MDFIC: variants seen among roughly 807,000 people sequenced by gnomAD.
MDFIC encodes the protein myoD family inhibitor domain-containing protein.
A neutral mutation model predicts 23.2 loss-of-function variants in MDFIC; 17 were observed. The ratio of observed to expected loss-of-function variants is 0.73; its 90% CI spans 0.50 to 1.10. MDFIC has a LOEUF of 1.10. Ranked by LOEUF, MDFIC falls within the 50% of genes least tolerant of loss-of-function variation. MDFIC has a pLI of 0.00. For missense variants in MDFIC, 356 were observed against 316.6 expected, an observed-to-expected ratio of 1.12 and a Z score of -0.95; for synonymous variants, 120 against 115.2, an observed-to-expected ratio of 1.04 and a Z score of -0.27.
At chr7:114,954,436 C>T (rs1254786525) in intron 3 of MDFIC, among the ~76,000 whole-genome samples, 2 of 152,216 alleles carry the variant, frequency 1.3e-5, no homozygotes, top group East Asian at 1.9e-4. Flanking sequence ...GACCACACAT[C>T]GGTCGGTCTT....
chr7:115,009,545 A>C (rs1304319617), intron 4 of MDFIC, among the ~76,000 whole-genome samples: 1 of 152,226 alleles, frequency 6.6e-6, no homozygotes, highest in African/African-American at 2.4e-5. Flanking sequence ...ATTTCATTAT[A>C]AACTTGTTTT....
At chr7:115,007,630 G>GTATATATATATA (rs10528546) in intron 4 of MDFIC, among the ~76,000 whole-genome samples, 283 of 132,854 alleles carry the variant, frequency 2.1e-3, no homozygotes, top group Middle Eastern at 0.011. Flanking sequence ...GCGTGTGTGT[G>GTATATATATATA]TATATATATA....
intron 4 of MDFIC, among the ~76,000 whole-genome samples, chr7:114,988,199 G>T (rs1319404094): frequency 1.3e-5 from 2 of 152,158 alleles, no homozygotes. Context: ...CATTCACTCA[G>T]GAGATGGGTG....
rs1174466153 is a variant in MDFIC at position 114,956,721 on chromosome 7, T to C, written c.217+14324T>C. Among the ~76,000 whole-genome samples the C allele has an allele frequency of 3.3e-5, 5 of 152,136 alleles. No homozygotes were observed. The East Asian group carries it at 9.6e-4, about 29-fold the overall frequency. ...CCCAGACCAATGAATTTAGAATCAT[T>C]AGGGGTAGGGCTTGGGCATTTGTGA... On this transcript the variant is annotated intron_variant, in intron 3 of 4. Transcript: ENST00000393486.
At chr7:114,957,453 A>G (rs7802986) in intron 3 of MDFIC, among the ~76,000 whole-genome samples, 71,508 of 151,954 alleles carry the variant, frequency 0.47, 17,238 homozygotes, top group Non-Finnish European at 0.53. Context: ...TGTTCTTGGC[A>G]TAAAGCAAAG....
chr7:114,927,419 ACT>A (rs2115683293), intron 2 of MDFIC, among the ~76,000 whole-genome samples: 1 of 151,548 alleles, frequency 6.6e-6, no homozygotes, highest in Admixed American at 6.6e-5. Context: ...CTCCATGTAA[ACT>A]CTCTAATAAT....
In MDFIC at chr7:114,922,507, G is replaced by A. The variant is rs1245559402; in HGVS notation, c.-237G>A. ...GAGGGAGGCGGGAGGACGCGCAGGG[G>A]CGGCCGCCGCCGTCGTCAGGCCACC... On this transcript the variant is annotated 5_prime_UTR_variant, in exon 1 of 5. Transcript: ENST00000393486. 3.2e-6 allele frequency: 4 copies of A among 1,256,816 alleles called. No individual in the cohort carries two copies. The highest frequency in any genetic ancestry group is 8.4e-5 in the Admixed American group (2 of 23,908). The allele number at this position is 1,256,816 out of a possible 1,614,324, so 77.9% of individuals were successfully genotyped here.
intron 3 of MDFIC, among the ~76,000 whole-genome samples, chr7:114,958,300 T>C (rs1563142260): frequency 6.6e-6 from 1 of 152,250 alleles, no homozygotes; most frequent in Non-Finnish European, 1.5e-5. Context: ...ACAGTCCATG[T>C]AGTATAAGAC....
chr7:114,992,272 A>G (rs182634554), intron 4 of MDFIC, among the ~76,000 whole-genome samples: 6 of 152,342 alleles, frequency 3.9e-5, no homozygotes, highest in African/African-American at 1.4e-4. Context: ...GGTTTTCTAA[A>G]TATACAATTA....
At chr7:114,977,927 T>A (rs1400238507) in intron 3 of MDFIC, among the ~76,000 whole-genome samples, 1 of 147,938 alleles carries the variant, frequency 6.8e-6, no homozygotes, top group Non-Finnish European at 1.5e-5. Flanking sequence ...CACATAAATA[T>A]TATATATGTA....
At chr7:114,963,812 T>C (rs1052286838) in intron 3 of MDFIC, among the ~76,000 whole-genome samples, 4 of 152,186 alleles carry the variant, frequency 2.6e-5, no homozygotes, top group Non-Finnish European at 4.4e-5. Flanking sequence ...ATTCATGGCC[T>C]CAACTGATCC....
At chr7:114,936,566 A>G (rs1792428270) in intron 2 of MDFIC, among the ~76,000 whole-genome samples, 1 of 152,208 alleles carries the variant, frequency 6.6e-6, no homozygotes, top group Admixed American at 6.5e-5. Flanking sequence ...TTAAAAAAAA[A>G]AGAATAACTT....
intron 4 of MDFIC, among the ~76,000 whole-genome samples, chr7:115,004,174 TA>T (rs1477224314): frequency 2.6e-5 from 4 of 152,232 alleles, no homozygotes; most frequent in Non-Finnish European, 4.4e-5. Flanking sequence ...AGCCACTATA[TA>T]AAGATTTTGA....
chr7:114,966,952 T>C (rs1793108683), intron 3 of MDFIC, among the ~76,000 whole-genome samples: 1 of 152,194 alleles, frequency 6.6e-6, no homozygotes. Flanking sequence ...TATTCAGTCA[T>C]TCAAAAAGGC....
intron 3 of MDFIC, among the ~76,000 whole-genome samples, chr7:114,950,259 C>T (rs1412254967): frequency 1.3e-5 from 2 of 151,986 alleles, no homozygotes; most frequent in African/African-American, 2.4e-5. Context: ...GGTAGGATTA[C>T]AAGGAGGAGA....
rs1376061396 is a variant in MDFIC at position 115,018,125 on chromosome 7, G to A, written c.*2190G>A. ...GCTGTCTTCATTTTTCTCCTCTAAA[G>A]AACTTAATTCATTTGTTACATAAAA... On this transcript the variant is annotated 3_prime_UTR_variant, in exon 5 of 5. Transcript: ENST00000393486. 6.6e-6 allele frequency: 1 copy of A among 151,770 alleles called. No individual in the cohort carries two copies. The highest frequency in any genetic ancestry group is 1.5e-5 in the Non-Finnish European group (1 of 67,814). The allele number at this position is 151,770 out of a possible 1,614,324, so 9.4% of individuals were successfully genotyped here.
chr7:114,959,274 G>T (rs1792942411), intron 3 of MDFIC, among the ~76,000 whole-genome samples: 2 of 152,074 alleles, frequency 1.3e-5, no homozygotes, highest in Non-Finnish European at 2.9e-5. Context: ...CCATTTTAGT[G>T]TATGAAACAC....
rs915612179 is a variant in MDFIC at position 115,016,714 on chromosome 7, A to G, written c.*779A>G. 6.5e-6 allele frequency: 1 copy of G among 153,572 alleles called. No individual in the cohort carries two copies. Among genetic ancestry groups the G allele is most frequent in the Non-Finnish European group, 1.4e-5 (1 of 69,248 alleles). 9.5% of individuals were successfully genotyped at this position (153,572 alleles called of 1,614,324 possible). On this transcript the variant is annotated 3_prime_UTR_variant, in exon 5 of 5. Transcript: ENST00000393486. ...CAAACCAGTCTTTATTTTAAAAGAA[A>G]CTTTAGGAAACAAACCCACATAATA...
At chr7:114,967,439 G>C (rs200649145) in intron 3 of MDFIC, among the ~76,000 whole-genome samples, 1 of 152,214 alleles carries the variant, frequency 6.6e-6, no homozygotes, top group Non-Finnish European at 1.5e-5. Flanking sequence ...TCATAATTAT[G>C]AGGGCAATAG....
Sources: allele counts gnomAD v4.1 joint callset (sites outside exome capture counted in the v4.1 genomes callset), GRCh38; gene constraint gnomAD v4.1.1; transcripts MANE v1.5; gene names NCBI Gene and HGNC (gene_info 2026-07-23, HGNC 2026-07-21).